GCSAML: variants seen among roughly 807,000 people sequenced by gnomAD.
GCSAML encodes germinal center associated signaling and motility like.
Under a neutral mutation model 13.0 loss-of-function variants are expected in GCSAML, and 9 were observed. The observed-to-expected ratio is 0.69, with a 90% CI of 0.42 to 1.21. GCSAML has a LOEUF of 1.21. Among genes scored for constraint, GCSAML ranks in the 50% most tolerant of loss-of-function variants. GCSAML has a pLI of 0.00. For missense variants in GCSAML, 143 were observed against 153.4 expected (o/e 0.93, Z 0.36); for synonymous variants, 37 against 52.9 (o/e 0.70, Z 1.31).
At chr1:247,557,314 A>G (rs935719440) in intron 2 of GCSAML, among the ~76,000 whole-genome samples, 1 of 152,136 alleles carries the variant, frequency 6.6e-6, no homozygotes, top group Non-Finnish European at 1.5e-5. Flanking sequence ...TCACTTGCTA[A>G]TGTATATCTG....
In GCSAML at chr1:247,526,986, A is replaced by G. The variant is rs778781158; in HGVS notation, c.-216A>G. 4.4e-6 allele frequency: 2 copies of G among 456,720 alleles called. No individual in the cohort carries two copies. Among genetic ancestry groups the G allele is most frequent in the South Asian group, 3.1e-5 (2 of 64,564 alleles). The allele number at this position is 456,720 out of a possible 1,614,324, so 28.3% of individuals were successfully genotyped here. A position where few individuals can be genotyped will look rare whatever the true frequency, so the allele number is the denominator to read the frequency against. ...TATGTTGGAGGATTCCAATAGTTCTACTGGATGTGGAGCCAGAAATTGTGT... is the reference window on the plus strand; with the variant it reads ...TATGTTGGAGGATTCCAATAGTTCTGCTGGATGTGGAGCCAGAAATTGTGT... On this transcript the variant is annotated 5_prime_UTR_variant, in exon 2 of 6. Coordinates refer to the GCSAML transcript ENST00000366489. The surrounding 1 kb of genome is among the most constrained non-coding windows in gnomAD (Gnocchi z 4.8).
chr1:247,566,041 A>C, intron 4 of GCSAML, 82 bp downstream of exon 4: 1 of 932,724 alleles, frequency 1.1e-6, no homozygotes, highest in Non-Finnish European at 1.6e-6. Context: ...AATACAGATG[A>C]TTTATTCAAG....
At chr1:247,565,759 G>T in intron 3 of GCSAML, 172 bp from the exon 4 acceptor site, 1 of 588,564 alleles carries the variant, frequency 1.7e-6, no homozygotes, top group South Asian at 2.3e-5. Flanking sequence ...TCAGTCTTGA[G>T]AACTTCAGTT....
intron 1 of GCSAML, among the ~76,000 whole-genome samples, chr1:247,550,403 C>T (rs1200481225): frequency 2.6e-5 from 4 of 152,134 alleles, no homozygotes; most frequent in South Asian, 2.1e-4. Context: ...TTTGGGAGGC[C>T]GAGGCGGGTG....
chr1:247,557,883 T>C (rs966321513), intron 2 of GCSAML, among the ~76,000 whole-genome samples: 6 of 152,244 alleles, frequency 3.9e-5, no homozygotes, highest in Non-Finnish European at 8.8e-5. Context: ...GACTTTTAAT[T>C]CAGGCATTCC....
upstream of GCSAML, chr1:247,548,951 T>C: frequency 1.4e-6 from 1 of 730,890 alleles, no homozygotes; most frequent in Admixed American, 3.0e-5. This position sits in a 1 kb window ranked among gnomAD's most constrained non-coding sequence, Gnocchi z 5.3. Context: ...TGTGTATGAG[T>C]GTGTGTGTGT....
chr1:247,510,363 A>G (rs1665988020), intron 1 of GCSAML, among the ~76,000 whole-genome samples: 1 of 151,504 alleles, frequency 6.6e-6, no homozygotes, highest in Non-Finnish European at 1.5e-5. Context: ...CTCCTTTATC[A>G]TTTTTTATTG....
At chr1:247,537,475 A>T (rs1449626118) in intron 2 of GCSAML, among the ~76,000 whole-genome samples, 1 of 152,114 alleles carries the variant, frequency 6.6e-6, no homozygotes, top group Non-Finnish European at 1.5e-5. Context: ...TTTTGTTTGA[A>T]CTCCGTTTCT....
intron 3 of GCSAML, 91 bp downstream of exon 3, chr1:247,563,730 A>G (rs1668228248): frequency 3.3e-6 from 2 of 603,794 alleles, no homozygotes; most frequent in Non-Finnish European, 5.8e-6. Context: ...TTGTAATAAC[A>G]GATTGGAGAA....
intron 2 of GCSAML, among the ~76,000 whole-genome samples, chr1:247,559,979 G>A (rs959328334): frequency 2.6e-5 from 4 of 152,102 alleles, no homozygotes; most frequent in African/African-American, 9.7e-5. Flanking sequence ...TTCAACATGT[G>A]GATTTTAAGG....
chr1:247,526,376 C>T lies in GCSAML; in HGVS notation c.-262-564C>T, dbSNP rs1265504960. 6.6e-6 allele frequency: 1 copy of T among 152,372 alleles called. No homozygotes were observed. Among genetic ancestry groups the T allele is most frequent in the Admixed American group, 6.5e-5 (1 of 15,290 alleles). The allele number at this position is 152,372 out of a possible 1,614,324, so 9.4% of individuals were successfully genotyped here. On this transcript the variant is annotated intron_variant, in intron 1 of 5. Transcript: ENST00000366489. The surrounding 1 kb of genome is among the most constrained non-coding windows in gnomAD (Gnocchi z 4.8). ...CTGGTGTGTGAGAAATTACCTTAGT[C>T]TGGGTGTTTCCAAGGCAGAAGCTGT...
intron 2 of GCSAML, among the ~76,000 whole-genome samples, chr1:247,559,432 T>G (rs996549047): frequency 7.1e-6 from 1 of 141,164 alleles, no homozygotes; most frequent in Admixed American, 6.6e-5. Context: ...CATGCCATCT[T>G]CTGTCCAGCT....
At chr1:247,517,511 G>A (rs1666252421) in intron 1 of GCSAML, among the ~76,000 whole-genome samples, 1 of 151,978 alleles carries the variant, frequency 6.6e-6, no homozygotes, top group Admixed American at 6.6e-5. Context: ...CAGAGAAATT[G>A]GTTCATGGTT....
upstream of GCSAML, chr1:247,548,996 C>T (rs775008778): frequency 6.7e-7 from 1 of 1,484,318 alleles, no homozygotes; most frequent in Non-Finnish European, 9.0e-7. The surrounding 1 kb of genome is among the most constrained non-coding windows in gnomAD (Gnocchi z 5.3). Flanking sequence ...TCACATTTTC[C>T]TTTCTGCCTC....
chr1:247,547,327 C>T (rs549738749), upstream of GCSAML, among the ~76,000 whole-genome samples: 12 of 152,144 alleles, frequency 7.9e-5, no homozygotes, highest in Non-Finnish European at 1.2e-4. Context: ...TTTCACGTAG[C>T]TCCTATCCAT....
rs114372168 is a variant in GCSAML at position 247,567,647 on chromosome 1, T to A, written c.168+1688T>A. On this transcript the variant is annotated intron_variant, in intron 4 of 4. Transcript: ENST00000366488. ...GTGCTGCAATAAAAATGCAAGTGCA[T>A]GTGTCTTTATAGTAGAACGATTTAT... Among the ~76,000 whole-genome samples, 679 of 152,356 alleles carry A rather than the reference T, an allele frequency of 4.5e-3. 2 individuals are homozygous for A. Among genetic ancestry groups the A allele is most frequent in the Non-Finnish European group, 6.4e-3 (433 of 68,024 alleles).
At chr1:247,557,739 C>T (rs566829491) in intron 2 of GCSAML, among the ~76,000 whole-genome samples, 46 of 152,286 alleles carry the variant, frequency 3.0e-4, no homozygotes, top group African/African-American at 9.6e-4. Context: ...CCCTTTCTCA[C>T]GCTCCCCCGA....
At chr1:247,511,689 T>C (rs1472578989) in intron 1 of GCSAML, among the ~76,000 whole-genome samples, 1 of 152,184 alleles carries the variant, frequency 6.6e-6, no homozygotes, top group East Asian at 1.9e-4. Context: ...GGAGCTCTTA[T>C]AAGGCAGCCC....
chr1:247,561,617 G>A (rs1668130862), intron 2 of GCSAML, among the ~76,000 whole-genome samples: 1 of 151,730 alleles, frequency 6.6e-6, no homozygotes, highest in Non-Finnish European at 1.5e-5. Context: ...CCTGGTTTAG[G>A]CCAGTCCATT....
Sources: allele counts gnomAD v4.1 joint callset (sites outside exome capture counted in the v4.1 genomes callset), GRCh38; gene constraint gnomAD v4.1.1; non-coding constraint Gnocchi (gnomAD v3.1); transcripts MANE v1.5; gene names NCBI Gene and HGNC (gene_info 2026-07-23, HGNC 2026-07-21).